Variants in KIAA0040 observed in about 807,000 individuals in gnomAD.
KIAA0040 encodes KIAA0040.
A neutral mutation model predicts 7.2 loss-of-function variants in KIAA0040; 10 were observed. The observed-to-expected ratio is 1.38, with a 90% CI of 0.85 to 2.34. The LOEUF (loss-of-function observed/expected upper bound fraction) is 2.34, where lower values mean the gene tolerates loss of function less well. Among genes scored for constraint, KIAA0040 ranks in the 30% most tolerant of loss-of-function variants. The pLI, the probability that KIAA0040 is intolerant of heterozygous loss-of-function variation, is 0.00. For synonymous variants in KIAA0040, 49 were observed against 40.1 expected (o/e 1.22, Z -0.84); for missense variants, 89 against 108.2 (o/e 0.82, Z 0.79).
At chr1:175,168,812 G>A (rs1336931444) in intron 2 of KIAA0040, among the ~76,000 whole-genome samples, 3 of 152,208 alleles carry the variant, frequency 2.0e-5, no homozygotes, top group Admixed American at 6.5e-5. Context: ...TTCTGAGCAC[G>A]AGTGAGACCA....
chr1:175,157,564 A>ATT lies in KIAA0040; in HGVS notation c.*3149_*3150insAA, dbSNP rs1676333163. On this transcript the variant is annotated 3_prime_UTR_variant, in exon 4 of 4. Coordinates refer to ENST00000423313, the MANE Select transcript of KIAA0040 (RefSeq NM_014656.3). ...ATTTTCAAAGTATTTTATTTAAATA[A>ATT]ATTTTTCTTTTGTGTGTGTTTGAAT... The ATT allele has an allele frequency of 1.3e-5, 2 of 152,196 alleles. No individual in the cohort carries two copies. Among genetic ancestry groups the ATT allele is most frequent in the Admixed American group, 1.3e-4 (2 of 15,290 alleles). 9.4% of individuals were successfully genotyped at this position (152,196 alleles called of 1,614,324 possible). A position where few individuals can be genotyped will look rare whatever the true frequency, so the allele number is the denominator to read the frequency against.
chr1:175,175,656 G>C (rs1207784624), intron 2 of KIAA0040, among the ~76,000 whole-genome samples: 2 of 152,192 alleles, frequency 1.3e-5, no homozygotes, highest in African/African-American at 4.8e-5. Flanking sequence ...ACTAGATTAA[G>C]AAAATGTGGC....
At chr1:175,189,886 G>C (rs1045310588) in intron 1 of KIAA0040, among the ~76,000 whole-genome samples, 1 of 152,178 alleles carries the variant, frequency 6.6e-6, no homozygotes, top group Non-Finnish European at 1.5e-5. Flanking sequence ...AAGCAGTTAA[G>C]CCAGGAACTG....
chr1:175,160,960 T>C lies in KIAA0040; in HGVS notation c.54A>G (p.Lys18=), dbSNP rs1042702918. 1 of 1,551,304 alleles carries C rather than the reference T, an allele frequency of 6.4e-7. No homozygotes were observed. The highest frequency in any genetic ancestry group is 1.4e-5 in the African/African-American group (1 of 72,960). The change falls in exon 4 of 4, where the codon AAA becomes AAG. Residue 18 remains lysine (K), a synonymous_variant. Coordinates refer to ENST00000423313, the MANE Select transcript of KIAA0040 (RefSeq NM_014656.3). ...TGGTGTTGTAGATGCCTTCTTGGTGTTTGGTCAAGATGGTGTCCCAGATAG... is the reference window on the plus strand; with the variant it reads ...TGGTGTTGTAGATGCCTTCTTGGTGCTTGGTCAAGATGGTGTCCCAGATAG... ...FSSIWDTILT[K]HQEGIYNTIC... is the part of the protein sequence containing the mutation.
chr1:175,164,428 A>G (rs915061492), intron 3 of KIAA0040, among the ~76,000 whole-genome samples: 3 of 152,198 alleles, frequency 2.0e-5, no homozygotes, highest in Non-Finnish European at 4.4e-5. Context: ...AGCAAATTCC[A>G]AACTAGATTG....
At chr1:175,175,990 G>A (rs1054778088) in intron 2 of KIAA0040, among the ~76,000 whole-genome samples, 81 of 152,250 alleles carry the variant, frequency 5.3e-4, no homozygotes, top group African/African-American at 1.7e-3. Context: ...AAACCTGCAC[G>A]TTGTGCACAT....
At chr1:175,163,920 C>G (rs1244829380) in intron 3 of KIAA0040, among the ~76,000 whole-genome samples, 1 of 152,126 alleles carries the variant, frequency 6.6e-6, no homozygotes, top group Non-Finnish European at 1.5e-5. Flanking sequence ...GTGGAGCCAC[C>G]TGGGGGACGA....
chr1:175,161,039 G>A lies in KIAA0040; in HGVS notation c.-26C>T. The stretch of plus-strand genomic sequence containing the variant: ...GGTGCTTGGCTAGATTAGGGCCAGA[G>A]AACCCTCTCGGCTTACAAGCAGGTC... On this transcript the variant is annotated 5_prime_UTR_variant, in exon 4 of 4. Coordinates refer to ENST00000423313, the MANE Select transcript of KIAA0040 (RefSeq NM_014656.3). The A allele has an allele frequency of 6.5e-7, 1 of 1,532,496 alleles. No homozygotes were observed. Among genetic ancestry groups the A allele is most frequent in the Non-Finnish European group, 8.8e-7 (1 of 1,137,342 alleles). The allele number at this position is 1,532,496 out of a possible 1,614,324, so 94.9% of individuals were successfully genotyped here.
intron 2 of KIAA0040, among the ~76,000 whole-genome samples, chr1:175,169,942 G>T (rs1449865471): frequency 6.6e-6 from 1 of 152,020 alleles, no homozygotes; most frequent in Non-Finnish European, 1.5e-5. Flanking sequence ...TGTCAGTTCC[G>T]GTCCTGGCAC....
Position 175,184,931 on chromosome 1 carries a change from C to T in KIAA0040, c.-383-7247G>A, listed in dbSNP as rs890853025. 1.6e-4 allele frequency among the ~76,000 whole-genome samples: 24 copies of T among 152,256 alleles called. 1 individual carries two copies. The highest frequency in any genetic ancestry group is 1.2e-3 in the Admixed American group (18 of 15,296). ...TGCAATCCCCTGAGAAACAGAATGG[C>T]TTCTTATTCATCAGTGGTGGCAGCT... On this transcript the variant is annotated intron_variant, in intron 1 of 3. Transcript: ENST00000423313.
chr1:175,188,820 C>A (rs142498773), intron 1 of KIAA0040, among the ~76,000 whole-genome samples: 36 of 152,280 alleles, frequency 2.4e-4, no homozygotes, highest in African/African-American at 8.4e-4. Context: ...CCTAGTTTGT[C>A]CTGGAGGCCA....
At position 175,161,067 on chromosome 1, in the gene KIAA0040, G is replaced by A; in HGVS notation, c.-54C>T. ...CCCTCTCGGCTTACAAGCAGGTCCT[G>A]GGCTCAAAAGGATGCAACCTTGACC... On this transcript the variant is annotated 5_prime_UTR_variant, in exon 4 of 4. Coordinates refer to ENST00000423313, the MANE Select transcript of KIAA0040 (RefSeq NM_014656.3). The A allele has an allele frequency of 6.8e-7, 1 of 1,479,224 alleles. No homozygotes were observed. Among genetic ancestry groups the A allele is most frequent in the Non-Finnish European group, 9.0e-7 (1 of 1,108,356 alleles). The allele number at this position is 1,479,224 out of a possible 1,614,324, so 91.6% of individuals were successfully genotyped here.
At chr1:175,190,015 G>C (rs1352215320) in intron 1 of KIAA0040, among the ~76,000 whole-genome samples, 2 of 152,290 alleles carry the variant, frequency 1.3e-5, no homozygotes, top group Admixed American at 1.3e-4. Flanking sequence ...TCTGAAATTA[G>C]TCAGAGTAGG....
intron 1 of KIAA0040, among the ~76,000 whole-genome samples, chr1:175,179,578 TA>T (rs1180062778): frequency 2.6e-5 from 4 of 152,160 alleles, no homozygotes; most frequent in Non-Finnish European, 5.9e-5. Flanking sequence ...CCCTTGGGAA[TA>T]GGGGGTGAGG....
chr1:175,166,406 G>A (rs1676766131), intron 3 of KIAA0040, among the ~76,000 whole-genome samples, 156 bp downstream of exon 3: 1 of 152,200 alleles, frequency 6.6e-6, no homozygotes, highest in African/African-American at 2.4e-5. Context: ...AGGAATTTAT[G>A]TTTGTAGCAA....
intron 1 of KIAA0040, among the ~76,000 whole-genome samples, chr1:175,188,536 G>C (rs1029259253): frequency 7.2e-5 from 11 of 152,196 alleles, no homozygotes; most frequent in Admixed American, 5.2e-4. Flanking sequence ...TGAATGGTAA[G>C]TTACATATCG....
chr1:175,161,521 C>T (rs189786164), intron 3 of KIAA0040, among the ~76,000 whole-genome samples: 7 of 152,318 alleles, frequency 4.6e-5, no homozygotes, highest in African/African-American at 1.4e-4. Context: ...CTGTAGCTCA[C>T]CTGACAGATG....
chr1:175,157,842 G>C lies in KIAA0040; in HGVS notation c.*2872C>G, dbSNP rs544774994. The C allele has an allele frequency of 6.6e-6, 1 of 152,328 alleles. No homozygotes were observed. Among genetic ancestry groups the C allele is most frequent in the African/African-American group, 2.4e-5 (1 of 41,430 alleles). The allele number at this position is 152,328 out of a possible 1,614,324, so 9.4% of individuals were successfully genotyped here. On this transcript the variant is annotated 3_prime_UTR_variant, in exon 4 of 4. Transcript: ENST00000423313. Reference sequence around the variant, plus strand: ...TCTCGAGCCTGTGCTGGTCTAGGAAGCCTCTTCTTTAGGAATCATTTTTTT... The same window carrying C: ...TCTCGAGCCTGTGCTGGTCTAGGAACCCTCTTCTTTAGGAATCATTTTTTT...
At chr1:175,163,819 A>G (rs1317707246) in intron 3 of KIAA0040, among the ~76,000 whole-genome samples, 1 of 152,166 alleles carries the variant, frequency 6.6e-6, no homozygotes, top group Non-Finnish European at 1.5e-5. Context: ...TGCTGTTCCT[A>G]CAGGGAGCAG....
Sources: allele counts gnomAD v4.1 joint callset (sites outside exome capture counted in the v4.1 genomes callset), GRCh38; gene constraint gnomAD v4.1.1; transcripts MANE v1.5; gene names NCBI Gene and HGNC (gene_info 2026-07-23, HGNC 2026-07-21).